Variants in PHACTR2 observed in about 807,000 individuals in gnomAD.
PHACTR2 encodes the protein phosphatase and actin regulator 2.
In PHACTR2, 30 loss-of-function variants were observed where a neutral mutation model predicts 76.0. That is an observed-to-expected ratio of 0.39 (90% confidence interval 0.30 to 0.54). PHACTR2 has a LOEUF of 0.54. PHACTR2 is among the 20% of genes least tolerant of loss of function. The probability of loss-of-function intolerance (pLI) is 0.61; values close to 1 mark genes in which losing one functional copy is unlikely to be tolerated. For synonymous variants in PHACTR2, 292 were observed against 292.5 expected (o/e 1.00, Z 0.02); for missense variants, 696 against 781.1 (o/e 0.89, Z 1.30).
rs181466692 is a variant in PHACTR2 at position 143,562,277 on chromosome 6, G to A, written c.217+25070G>A. On this transcript the variant is annotated intron_variant, in intron 1 of 11. Transcript: ENST00000367584. This position sits in a 1 kb window ranked among gnomAD's most constrained non-coding sequence, Gnocchi z 5.1. ...GCTCACAGTTCTGCAGGCTGTACAG[G>A]AAGCACGGTGCTGGCATCTGCTTGG... Among the ~76,000 whole-genome samples, 250 of 152,270 alleles carry A rather than the reference G, an allele frequency of 1.6e-3. 1 individual carries two copies. Among genetic ancestry groups the A allele is most frequent in the Middle Eastern group, 0.014 (4 of 294 alleles).
chr6:143,591,683 T>C lies in PHACTR2; in HGVS notation c.217+54476T>C, dbSNP rs965662967. On this transcript the variant is annotated intron_variant, in intron 1 of 11. Transcript: ENST00000367584. The surrounding 1 kb of genome is among the most constrained non-coding windows in gnomAD (Gnocchi z 6.4). ...ACATCTCAGAGAATTCCAGTGGCGA[T>C]AGATGACGATCCCAATGCTGCACTG... 9.9e-5 allele frequency among the ~76,000 whole-genome samples: 15 copies of C among 152,224 alleles called. No homozygotes were observed. The highest frequency in any genetic ancestry group is 3.4e-4 in the African/African-American group (14 of 41,466).
Position 143,749,035 on chromosome 6 carries a change from A to G in PHACTR2, c.265A>G (p.Arg89Gly). Residue 89 changes from arginine (R) to glycine (G), a missense_variant, in exon 3 of 13, where the codon AGG becomes GGG. Arg to Gly is a moderately radical substitution (Grantham distance 125). This residue lies in a region of PHACTR2 where 460 missense variants were observed against 450.9 expected (regional missense o/e 1.02). Transcript: ENST00000440869. The stretch of plus-strand genomic sequence containing the variant: ...ACAAAGTAGAGAGGAGCTGATAAGA[A>G]GGGGAGTGCTTAAGGAATTGCCTGA... ...TRQSREELIR[R>G]GVLKELPDQD... The G allele has an allele frequency of 6.3e-7, 1 of 1,589,234 alleles. No homozygotes were observed. The highest frequency in any genetic ancestry group is 8.6e-7 in the Non-Finnish European group (1 of 1,157,394).
intron 1 of PHACTR2, among the ~76,000 whole-genome samples, chr6:143,563,605 G>A (rs9496671): frequency 0.6 from 88,680 of 149,038 alleles, 26,925 homozygotes; most frequent in Middle Eastern, 0.72. Context: ...TTGACATAGT[G>A]TTTAGGGAAT....
At chr6:143,727,128 C>G (rs1404103651) in intron 2 of PHACTR2, among the ~76,000 whole-genome samples, 2 of 152,128 alleles carry the variant, frequency 1.3e-5, no homozygotes, top group African/African-American at 4.8e-5. Flanking sequence ...CCTTCCCAGC[C>G]TCTCGTAACT....
chr6:143,735,285 A>G (rs372776373), intron 2 of PHACTR2, among the ~76,000 whole-genome samples: 4 of 152,334 alleles, frequency 2.6e-5, no homozygotes, highest in African/African-American at 9.6e-5. Context: ...AAAATACAAG[A>G]TAATAAAAAA....
At chr6:143,712,239 G>T in intron 2 of PHACTR2, 56 bp downstream of exon 2, 1 of 1,199,524 alleles carries the variant, frequency 8.3e-7, no homozygotes, top group Non-Finnish European at 1.1e-6. Flanking sequence ...GTTTTAAAAG[G>T]TAGAAAATTA....
chr6:143,693,392 C>T (rs763413088), intron 1 of PHACTR2, among the ~76,000 whole-genome samples: 4 of 152,104 alleles, frequency 2.6e-5, no homozygotes, highest in Admixed American at 6.5e-5. Context: ...CACGCACCAC[C>T]ACACCTGGCT....
chr6:143,759,501 A>C lies in PHACTR2; in HGVS notation c.455-900A>C, dbSNP rs114201719. On this transcript the variant is annotated intron_variant, in intron 4 of 12. Coordinates refer to ENST00000440869, the MANE Select transcript of PHACTR2 (RefSeq NM_001100164.2). The stretch of plus-strand genomic sequence containing the variant: ...AAACCCCATCTCTACAAAACATTCA[A>C]AAATTAGCTGGGCGTGGTGGCAAAC... Among the ~76,000 whole-genome samples, 250 of 152,252 alleles carry C rather than the reference A, an allele frequency of 1.6e-3. 1 individual carries two copies. Among genetic ancestry groups the C allele is most frequent in the African/African-American group, 5.6e-3 (233 of 41,540 alleles).
Position 143,800,971 on chromosome 6 carries a change from A to G in PHACTR2, c.1846-6086A>G, listed in dbSNP as rs1471947537. 1.3e-5 allele frequency among the ~76,000 whole-genome samples: 2 copies of G among 152,160 alleles called. No homozygotes were observed. The highest frequency in any genetic ancestry group is 2.9e-5 in the Non-Finnish European group (2 of 68,040). On this transcript the variant is annotated intron_variant, in intron 11 of 12. Transcript: ENST00000440869. This position sits in a 1 kb window ranked among gnomAD's most constrained non-coding sequence, Gnocchi z 4.8. ...CACTTATGAAGCTTAGTTCAGCTGG[A>G]TATGAAATTTTGGGTTGAAAATTCT...
rs10541081 is a variant in PHACTR2, at chr6:143,546,859, CAAAAAAAA to C, written c.217+9659_217+9666del. On this transcript the variant is annotated intron_variant, in intron 1 of 11. Transcript: ENST00000367584. The surrounding 1 kb of genome is among the most constrained non-coding windows in gnomAD (Gnocchi z 4.9). ...TGGGCAACATAGTGAGACCCCATCT[CAAAAAAAA>C]AAAAAATAAAAAATAAAAAATTAGC... Among the ~76,000 whole-genome samples, 2 of 140,120 alleles carry C rather than the reference CAAAAAAAA, an allele frequency of 1.4e-5. No homozygotes were observed. Among genetic ancestry groups the C allele is most frequent in the African/African-American group, 2.6e-5 (1 of 37,966 alleles). 91.9% of individuals were successfully genotyped at this position (140,120 alleles called of 152,430 possible).
chr6:143,740,013 G>A (rs1380825886), intron 2 of PHACTR2, among the ~76,000 whole-genome samples: 2 of 152,206 alleles, frequency 1.3e-5, no homozygotes, highest in South Asian at 2.1e-4. Context: ...GTGAAAGCAA[G>A]TTTATTAAGA....
At chr6:143,540,030 G>A (rs549718747) in intron 1 of PHACTR2, among the ~76,000 whole-genome samples, 5 of 151,664 alleles carry the variant, frequency 3.3e-5, no homozygotes, top group Admixed American at 1.3e-4. Context: ...GCTTGCTGCC[G>A]TATGTCTTGT....
chr6:143,631,064 CACAA>C (rs2128441963), intron 1 of PHACTR2, among the ~76,000 whole-genome samples: 1 of 152,346 alleles, frequency 6.6e-6, no homozygotes, highest in African/African-American at 2.4e-5. Context: ...AAATACTTAA[CACAA>C]ACACTGAATG....
intron 1 of PHACTR2, among the ~76,000 whole-genome samples, chr6:143,573,279 G>A (rs1256638181): frequency 6.6e-6 from 1 of 152,136 alleles, no homozygotes; most frequent in East Asian, 1.9e-4. Context: ...GGCTTTACTT[G>A]GCTTTGGCCA....
At position 143,653,697 on chromosome 6, in the gene PHACTR2, C is replaced by T. The variant is rs1469834368; in HGVS notation, c.13+45375C>T. 1.3e-5 allele frequency among the ~76,000 whole-genome samples: 2 copies of T among 151,656 alleles called. No homozygotes were observed. The highest frequency in any genetic ancestry group is 6.6e-5 in the Admixed American group (1 of 15,170). On this transcript the variant is annotated intron_variant, in intron 1 of 11. Coordinates refer to the PHACTR2 transcript ENST00000305766. The surrounding 1 kb of genome is among the most constrained non-coding windows in gnomAD (Gnocchi z 4.9). ...AGAATAAAGTGAGAACTCTACCTTA[C>T]ATCATATTAAAAAATTAACTCAAGA...
In PHACTR2 at chr6:143,683,853, G is replaced by C. The variant is rs886487521; in HGVS notation, c.46+5644G>C. On this transcript the variant is annotated intron_variant, in intron 1 of 12. Coordinates refer to ENST00000440869, the MANE Select transcript of PHACTR2 (RefSeq NM_001100164.2). The surrounding 1 kb of genome is among the most constrained non-coding windows in gnomAD (Gnocchi z 4.1). ...AGTCCCACTTTTCATCTATAACCCA[G>C]CATGAACAGTTTTTTTCATTCCACA... is the stretch of plus-strand genomic sequence containing the variant. Among the ~76,000 whole-genome samples, 2 of 152,072 alleles carry C rather than the reference G, an allele frequency of 1.3e-5. No individual in the cohort carries two copies. The highest frequency in any genetic ancestry group is 4.8e-5 in the African/African-American group (2 of 41,392).
rs1779433801 is a variant in PHACTR2, at chr6:143,761,235, C to T, written c.694+595C>T. Among the ~76,000 whole-genome samples, 1 of 152,176 alleles carries T rather than the reference C, an allele frequency of 6.6e-6. No homozygotes were observed. The highest frequency in any genetic ancestry group is 6.5e-5 in the Admixed American group (1 of 15,282). ...GGAAAGTTACACTCTCAGTGTTCCA[C>T]ACCTCCCCTGTAGACTTGTGTGTTC... On this transcript the variant is annotated intron_variant, in intron 5 of 12. Transcript: ENST00000440869. This position sits in a 1 kb window ranked among gnomAD's most constrained non-coding sequence, Gnocchi z 5.2.
At chr6:143,661,450 T>C (rs1776944489) in intron 1 of PHACTR2, among the ~76,000 whole-genome samples, 1 of 151,768 alleles carries the variant, frequency 6.6e-6, no homozygotes, top group African/African-American at 2.4e-5. Context: ...TCCTATATAG[T>C]AAATAAATAA....
chr6:143,783,067 T>G lies in PHACTR2; in HGVS notation c.1646-152T>G. On this transcript the variant is annotated intron_variant, in intron 9 of 12. Transcript: ENST00000440869. This position sits in a 1 kb window ranked among gnomAD's most constrained non-coding sequence, Gnocchi z 5.2. The stretch of plus-strand genomic sequence containing the variant: ...TGTGTGTGTGTAAGATGATCAACCT[T>G]CCTACAAAATATTTTGACAACTTTT... 1 of 504,818 alleles carries G rather than the reference T, an allele frequency of 2.0e-6. No homozygotes were observed. Among genetic ancestry groups the G allele is most frequent in the Non-Finnish European group, 3.8e-6 (1 of 265,754 alleles). The allele number at this position is 504,818 out of a possible 1,614,324, so 31.3% of individuals were successfully genotyped here.
Sources: gnomAD v4.1 joint callset for allele counts (sites outside exome capture counted in the v4.1 genomes callset) on GRCh38, gnomAD v4.1.1 for gene constraint, gnomAD v4.1.1 regional missense constraint, Gnocchi (gnomAD v3.1) non-coding constraint, MANE v1.5 for transcripts, NCBI Gene and HGNC (gene_info 2026-07-23, HGNC 2026-07-21) for gene names.